The following RRAGC variants were observed in gnomAD, a reference collection of about 807,000 sequenced individuals.
RRAGC encodes Ras related GTP binding C.
In RRAGC, 8 loss-of-function variants were observed where a neutral mutation model predicts 37.1. The ratio of observed to expected loss-of-function variants is 0.22; its 90% confidence interval spans 0.13 to 0.39. The LOEUF (loss-of-function observed/expected upper bound fraction) is 0.39, where lower values mean the gene tolerates loss of function less well. Ranked by LOEUF, RRAGC falls within the 10% of genes least tolerant of loss-of-function variation. The pLI is 1.00. For missense variants in RRAGC, 342 were observed against 497.6 expected (o/e 0.69, Z 2.98); for synonymous variants, 190 against 181.1 (o/e 1.05, Z -0.39).
intron 6 of RRAGC, among the ~76,000 whole-genome samples, chr1:38,844,833 T>C (rs868208278): frequency 4.1e-4 from 62 of 152,298 alleles, no homozygotes; most frequent in African/African-American, 1.5e-3. Context: ...CAGCCACTTC[T>C]CAAAAGAAGA....
At chr1:38,846,257 T>C in intron 5 of RRAGC, 170 bp from the exon 6 acceptor site, 1 of 561,116 alleles carries the variant, frequency 1.8e-6, no homozygotes, top group Admixed American at 3.7e-5. Flanking sequence ...AAACACAGAA[T>C]TTCAGGGATA....
At chr1:38,853,865 T>A (rs1002244867) in intron 3 of RRAGC, among the ~76,000 whole-genome samples, 1 of 151,872 alleles carries the variant, frequency 6.6e-6, no homozygotes, top group African/African-American at 2.4e-5. Context: ...ACCCCATAGA[T>A]ACTAGGGAGA....
intron 5 of RRAGC, chr1:38,847,437 C>G (rs952051423): frequency 2.9e-5 from 4 of 137,316 alleles, no homozygotes; most frequent in African/African-American, 1.0e-4. Flanking sequence ...CAAGAACACA[C>G]ACACACACAC....
intron 2 of RRAGC, among the ~76,000 whole-genome samples, chr1:38,856,146 G>A (rs906663434): frequency 6.6e-6 from 1 of 152,008 alleles, no homozygotes; most frequent in African/African-American, 2.4e-5. Context: ...AGAAAAAAAT[G>A]ATATGAACAT....
At position 38,846,216 on chromosome 1, in the gene RRAGC, G is replaced by A. The variant is rs548201612; in HGVS notation, c.900-129C>T. On this transcript the variant is annotated intron_variant, in intron 5 of 6. Transcript: ENST00000373001. The stretch of plus-strand genomic sequence containing the variant: ...AAAGAATACTGGCTTAAACATATTG[G>A]GAGAGAGTGTTGTTAAGGTATAGTG... The A allele has an allele frequency of 9.5e-5, 70 of 733,232 alleles. 1 individual carries two copies. Among genetic ancestry groups the A allele is most frequent in the African/African-American group, 7.7e-4 (43 of 55,536 alleles). 45.4% of individuals were successfully genotyped at this position (733,232 alleles called of 1,614,324 possible).
rs1410811518 is a variant in RRAGC, at chr1:38,859,657, C to T, written c.-11G>A. ...GTACTGCAGGGACATGGTGCTGGAG[C>T]CGCCGCCGCCCGCGCCCTGACAGGC... On this transcript the variant is annotated 5_prime_UTR_variant, in exon 1 of 7. Coordinates refer to ENST00000373001, the MANE Select transcript of RRAGC (RefSeq NM_022157.4). 6.5e-7 allele frequency: 1 copy of T among 1,533,648 alleles called. No homozygotes were observed. The highest frequency in any genetic ancestry group is 8.8e-7 in the Non-Finnish European group (1 of 1,140,180).
intron 6 of RRAGC, 71 bp from the exon 7 acceptor site, chr1:38,839,775 C>A (rs1481070100): frequency 2.0e-6 from 3 of 1,467,382 alleles, no homozygotes; most frequent in Non-Finnish European, 2.8e-6. Context: ...GGGTTTGCAG[C>A]CAAAAATAAC....
At chr1:38,839,873 G>A (rs1382390066) in intron 6 of RRAGC, among the ~76,000 whole-genome samples, 169 bp from the exon 7 acceptor site, 1 of 151,818 alleles carries the variant, frequency 6.6e-6, no homozygotes, top group East Asian at 1.9e-4. Flanking sequence ...TCGGTCAGGT[G>A]CAGTGGCTCA....
chr1:38,858,469 C>A (rs113886921), intron 1 of RRAGC, among the ~76,000 whole-genome samples: 1 of 152,256 alleles, frequency 6.6e-6, no homozygotes, highest in African/African-American at 2.4e-5. Flanking sequence ...GAGGCCAAGG[C>A]GGATGATCAC....
chr1:38,857,329 T>C (rs1220509448), intron 1 of RRAGC, among the ~76,000 whole-genome samples: 1 of 152,234 alleles, frequency 6.6e-6, no homozygotes, highest in East Asian at 1.9e-4. Context: ...TGCACCATAC[T>C]CAGTACTAAT....
intron 1 of RRAGC, 29 bp downstream of exon 1, chr1:38,859,381 G>C: frequency 6.5e-7 from 1 of 1,538,922 alleles, no homozygotes. Context: ...CCGGGGAGGG[G>C]GCGGGGGACT....
Position 38,839,516 on chromosome 1 carries a change from A to C in RRAGC, c.*37T>G. 6.2e-7 allele frequency: 1 copy of C among 1,611,344 alleles called. No individual in the cohort carries two copies. Among genetic ancestry groups the C allele is most frequent in the Non-Finnish European group, 8.5e-7 (1 of 1,178,136 alleles). Reference sequence around the variant, plus strand: ...CGTGGCATCCGACCCTGGAGTGAAGAGTAAGCTGGCACAGAGCCCCGACGC... The same window carrying C: ...CGTGGCATCCGACCCTGGAGTGAAGCGTAAGCTGGCACAGAGCCCCGACGC... On this transcript the variant is annotated 3_prime_UTR_variant, in exon 7 of 7. Transcript: ENST00000373001.
chr1:38,859,700 GGCCGCCGCCTCCCCAGTCCGCCTCCGCC>G lies in RRAGC; in HGVS notation c.-82_-55del. The G allele has an allele frequency of 7.4e-7, 1 of 1,352,514 alleles. No individual in the cohort carries two copies. The highest frequency in any genetic ancestry group is 1.8e-5 in the South Asian group (1 of 55,954). 83.8% of individuals were successfully genotyped at this position (1,352,514 alleles called of 1,614,324 possible). A position where few individuals can be genotyped will look rare whatever the true frequency, so the allele number is the denominator to read the frequency against. On this transcript the variant is annotated 5_prime_UTR_variant, in exon 1 of 7. Coordinates refer to ENST00000373001, the MANE Select transcript of RRAGC (RefSeq NM_022157.4). ...TGACAGGCCAGGCCAGGCCGAGCCAGGCCGCCGCCTCCCCAGTCCGCCTCCGCCGCCGCCGCCACCACCGCCACCGCCC... is the reference window on the plus strand; with the variant it reads ...TGACAGGCCAGGCCAGGCCGAGCCAGGCCGCCGCCACCACCGCCACCGCCC...
chr1:38,849,744 A>C (rs1642074381), intron 5 of RRAGC, among the ~76,000 whole-genome samples: 1 of 152,192 alleles, frequency 6.6e-6, no homozygotes, highest in Non-Finnish European at 1.5e-5. Flanking sequence ...AATAAATTTT[A>C]CAGTTAAATT....
chr1:38,847,901 G>C (rs1004524756), intron 5 of RRAGC: 1 of 152,162 alleles, frequency 6.6e-6, no homozygotes, highest in African/African-American at 2.4e-5. Context: ...AAGTTAGCCA[G>C]GTGCAGTGGC....
Position 38,859,500 on chromosome 1 carries a change from G to GCCTGCC in RRAGC, c.141_146dup (p.Ala48_Gly49dup), listed in dbSNP as rs772893914. ...CAGCGCCCCCCGGACCACAGCCACCGCCTGCCCCTGCCCCAACCCCTCCGC... is the reference window on the plus strand; with the variant it reads ...CAGCGCCCCCCGGACCACAGCCACCGCCTGCCCCTGCCCCTGCCCCAACCCCTCCGC... On this transcript the variant is annotated inframe_insertion, in exon 1 of 7. Transcript: ENST00000373001. 3.3e-4 allele frequency: 510 copies of GCCTGCC among 1,546,970 alleles called. No individual in the cohort carries two copies. Among genetic ancestry groups the GCCTGCC allele is most frequent in the South Asian group, 1.2e-3 (97 of 83,938 alleles).
chr1:38,847,518 T>C (rs1642042594), intron 5 of RRAGC: 2 of 152,112 alleles, frequency 1.3e-5, no homozygotes, highest in Non-Finnish European at 2.9e-5. Context: ...ACTTGAGTAG[T>C]GGCTCTTTAC....
Position 38,851,561 on chromosome 1 carries a change from A to G in RRAGC, c.899+54T>C, listed in dbSNP as rs1642101365. The G allele has an allele frequency of 4.9e-6, 7 of 1,443,156 alleles. No homozygotes were observed. In the Admixed American group the frequency reaches 1.1e-4, roughly 22 times the overall value. 89.4% of individuals were successfully genotyped at this position (1,443,156 alleles called of 1,614,324 possible). On this transcript the variant is annotated intron_variant, in intron 5 of 6. Transcript: ENST00000373001. Reference sequence around the variant, plus strand: ...AGAAATTAGTCTTCTGAACAAATCAAGTTAATAGTTTTCCGCCTGTCTGAG... The same window carrying G: ...AGAAATTAGTCTTCTGAACAAATCAGGTTAATAGTTTTCCGCCTGTCTGAG...
intron 3 of RRAGC, among the ~76,000 whole-genome samples, chr1:38,852,847 C>G (rs1642116728): frequency 6.6e-6 from 1 of 152,124 alleles, no homozygotes; most frequent in East Asian, 1.9e-4. Flanking sequence ...AGTTATGTGA[C>G]ATTTATTAAA....
Sources: allele counts gnomAD v4.1 joint callset (sites outside exome capture counted in the v4.1 genomes callset), GRCh38; gene constraint gnomAD v4.1.1; transcripts MANE v1.5; gene names NCBI Gene and HGNC (gene_info 2026-07-23, HGNC 2026-07-21).